Variants in TMPRSS15 observed in about 807,000 individuals in gnomAD.
The protein encoded by TMPRSS15 is enteropeptidase.
In TMPRSS15, 128 loss-of-function variants were observed where a neutral mutation model predicts 125.3. The observed-to-expected ratio is 1.02, with a 90% CI of 0.89 to 1.18. TMPRSS15 has a LOEUF of 1.18. Ranked by LOEUF, TMPRSS15 falls within the 50% of genes most tolerant of loss-of-function variation. The pLI is 0.00. For missense variants in TMPRSS15, 1,283 were observed against 1,212.7 expected, an observed-to-expected ratio of 1.06 and a Z score of -0.86; for synonymous variants, 446 against 423.2, an observed-to-expected ratio of 1.05 and a Z score of -0.66.
At position 18,353,742 on chromosome 21, in the gene TMPRSS15, A is replaced by T. The variant is rs746792337; in HGVS notation, c.1002T>A (p.Phe334Leu). ...YVGFNATYTA[F>L]NSSELNNYEK... Reference sequence around the variant, plus strand: ...ACTTACTATTAAGCTCACTGCTGTTAAATGCAGTATATGTTGCATTAAAGC... The same window carrying T: ...ACTTACTATTAAGCTCACTGCTGTTTAATGCAGTATATGTTGCATTAAAGC... The change falls in exon 9 of 25, where the codon TTT (phenylalanine) becomes TTA (leucine). Residue 334 changes from phenylalanine to leucine, a missense_variant. Phe to Leu is a conservative substitution (Grantham distance 22). Transcript: ENST00000284885. The T allele has an allele frequency of 6.2e-7, 1 of 1,611,150 alleles. No homozygotes were observed. Among genetic ancestry groups the T allele is most frequent in the Non-Finnish European group, 8.5e-7 (1 of 1,178,108 alleles).
chr21:18,468,827 A>G (rs1978719992), intron 1 of TMPRSS15, among the ~76,000 whole-genome samples: 1 of 152,134 alleles, frequency 6.6e-6, no homozygotes, highest in African/African-American at 2.4e-5. Flanking sequence ...GTGGTACCAT[A>G]TGTAATTCTA....
intron 17 of TMPRSS15, among the ~76,000 whole-genome samples, chr21:18,314,900 T>C (rs576423235): frequency 6.6e-6 from 1 of 152,278 alleles, no homozygotes; most frequent in African/African-American, 2.4e-5. Context: ...GGATATTTGT[T>C]GCTCTAGAAT....
At chr21:18,310,291 A>G (rs951645748) in intron 18 of TMPRSS15, among the ~76,000 whole-genome samples, 24 of 152,168 alleles carry the variant, frequency 1.6e-4, no homozygotes, top group Admixed American at 4.6e-4. Flanking sequence ...CATAGATGAC[A>G]TGATCTTATC....
chr21:18,460,618 A>C (rs879665722), intron 1 of TMPRSS15: 1 of 152,254 alleles, frequency 6.6e-6, no homozygotes, highest in Non-Finnish European at 1.5e-5. Flanking sequence ...GTGGGCTGGC[A>C]GGTGGGAGAC....
intron 7 of TMPRSS15, among the ~76,000 whole-genome samples, chr21:18,362,772 A>T (rs909496273): frequency 6.6e-6 from 1 of 152,154 alleles, no homozygotes; most frequent in Non-Finnish European, 1.5e-5. Flanking sequence ...TTTAATAATG[A>T]CTTCTTTGAA....
chr21:18,288,295 T>TAA (rs2074789428), intron 21 of TMPRSS15, among the ~76,000 whole-genome samples: 1 of 152,002 alleles, frequency 6.6e-6, no homozygotes, highest in African/African-American at 2.4e-5. Flanking sequence ...ATAGTGGACA[T>TAA]AAAGTGTGGA....
intron 3 of TMPRSS15, among the ~76,000 whole-genome samples, chr21:18,396,153 T>C (rs1469215763): frequency 6.6e-6 from 1 of 152,228 alleles, no homozygotes; most frequent in African/African-American, 2.4e-5. Context: ...TCCTTCCTGT[T>C]CCAGATTTAC....
intron 7 of TMPRSS15, among the ~76,000 whole-genome samples, chr21:18,361,336 A>T (rs1357413374): frequency 2.6e-5 from 4 of 152,142 alleles, no homozygotes; most frequent in African/African-American, 9.7e-5. Context: ...AAAAGAAATA[A>T]AAGTGTGTAC....
intron 1 of TMPRSS15, among the ~76,000 whole-genome samples, chr21:18,464,662 A>G (rs11911647): frequency 0.029 from 4,420 of 152,222 alleles, 131 homozygotes; most frequent in African/African-American, 0.082. Flanking sequence ...AAATCTGGAA[A>G]AAATGGATAA....
intron 1 of TMPRSS15, among the ~76,000 whole-genome samples, chr21:18,420,613 A>G (rs2076190261): frequency 6.6e-6 from 1 of 152,244 alleles, no homozygotes; most frequent in Non-Finnish European, 1.5e-5. Flanking sequence ...TGCAACAGGT[A>G]ACAAAAGCAC....
intron 3 of TMPRSS15, among the ~76,000 whole-genome samples, chr21:18,388,119 G>A (rs2075961403): frequency 6.6e-6 from 1 of 152,102 alleles, no homozygotes; most frequent in Non-Finnish European, 1.5e-5. Flanking sequence ...TCTAACAGAC[G>A]TTTTTATGAA....
intron 23 of TMPRSS15, among the ~76,000 whole-genome samples, chr21:18,275,679 A>C (rs945694369): frequency 6.6e-6 from 1 of 152,228 alleles, no homozygotes; most frequent in African/African-American, 2.4e-5. Context: ...TCATTCATGG[A>C]AATTAGCAAC....
At chr21:18,306,565 T>G (rs1237684185) in intron 18 of TMPRSS15, among the ~76,000 whole-genome samples, 2 of 152,176 alleles carry the variant, frequency 1.3e-5, no homozygotes, top group Non-Finnish European at 2.9e-5. Flanking sequence ...ATTTAAAAAT[T>G]AACACCAATT....
At chr21:18,485,094 C>T (rs140681691) in intron 1 of TMPRSS15, among the ~76,000 whole-genome samples, 146 of 151,478 alleles carry the variant, frequency 9.6e-4, no homozygotes, top group African/African-American at 3.2e-3. Context: ...TTGTTAAAAC[C>T]ATGATCTTTT....
At chr21:18,315,032 T>C (rs1025085042) in intron 17 of TMPRSS15, 114 bp downstream of exon 17, 15 of 842,924 alleles carry the variant, frequency 1.8e-5, no homozygotes, top group Non-Finnish European at 4.0e-6. Flanking sequence ...ATGTTCTCGT[T>C]CCAAAGCATC....
Position 18,353,724 on chromosome 21 carries a change from A to C in TMPRSS15, c.1020T>G (p.Asn340Lys). The change falls in exon 9 of 25, where the codon AAT becomes AAG. Residue 340 changes from asparagine (N) to lysine (K), a missense_variant and splice_region_variant. Asn to Lys is a moderately conservative substitution (Grantham distance 94). Coordinates refer to ENST00000284885, the MANE Select transcript of TMPRSS15 (RefSeq NM_002772.3). ...AGCCAAAAAATAAATAATACTTACT[A>C]TTAAGCTCACTGCTGTTAAATGCAG... Reference protein sequence around the residue: ...TYTAFNSSELNNYEKINCNFE... With the variant: ...TYTAFNSSELKNYEKINCNFE... The C allele has an allele frequency of 2.5e-6, 4 of 1,610,030 alleles. No individual in the cohort carries two copies. Among genetic ancestry groups the C allele is most frequent in the Non-Finnish European group, 2.5e-6 (3 of 1,177,582 alleles).
At chr21:18,398,446 T>G in intron 1 of TMPRSS15, 117 bp from the exon 2 acceptor site, 1 of 1,035,918 alleles carries the variant, frequency 9.7e-7, no homozygotes, top group South Asian at 1.4e-5. Flanking sequence ...GCTCTGTAGT[T>G]CTTGCTTTTT....
chr21:18,393,535 C>T (rs960874760), intron 3 of TMPRSS15, among the ~76,000 whole-genome samples: 1 of 152,040 alleles, frequency 6.6e-6, no homozygotes, highest in African/African-American at 2.4e-5. Context: ...TGTGAGCATT[C>T]CAGCTCAAAG....
chr21:18,365,196 C>T lies in TMPRSS15; in HGVS notation c.717G>A (p.Gln239=). The T allele has an allele frequency of 6.2e-7, 1 of 1,614,106 alleles. No homozygotes were observed. The highest frequency in any genetic ancestry group is 1.7e-5 in the Admixed American group (1 of 60,022). Residue 239 remains glutamine, a synonymous_variant, in exon 7 of 25, where the codon CAG becomes CAA. Transcript: ENST00000284885. Reference sequence around the variant, plus strand: ...CAGAAGGTTTTGGATAATGAGTAGCCTGGAAAGACCCAGATGATCCAGTTA... The same window carrying T: ...CAGAAGGTTTTGGATAATGAGTAGCTTGGAAAGACCCAGATGATCCAGTTA... ...FLLTGSSGSF[Q]ATHYPKPSET...
Sources: allele counts gnomAD v4.1 joint callset (sites outside exome capture counted in the v4.1 genomes callset), GRCh38; gene constraint gnomAD v4.1.1; transcripts MANE v1.5; gene names NCBI Gene and HGNC (gene_info 2026-07-23, HGNC 2026-07-21).